Variants in WDFY4 observed in about 807,000 individuals in gnomAD.
WDFY4 encodes WDFY family member 4, also known as WD repeat- and FYVE domain-containing protein 4.
WDFY4 carries 169 observed loss-of-function variants against 351.9 expected under a neutral mutation model. That is an observed-to-expected ratio of 0.48 (90% CI 0.42 to 0.55). WDFY4 has a LOEUF of 0.55. Among genes scored for constraint, WDFY4 ranks in the 20% least tolerant of loss-of-function variants. WDFY4 has a pLI of 0.00. For missense variants in WDFY4, 3,803 were observed against 3,935.6 expected (o/e 0.97, Z 0.90); for synonymous variants, 1,622 against 1,574.6 (o/e 1.03, Z -0.71).
At chr10:48,964,122 C>G in intron 54 of WDFY4, 68 bp downstream of exon 54, 1 of 1,500,344 alleles carries the variant, frequency 6.7e-7, no homozygotes. Flanking sequence ...ACATTCTCTC[C>G]TGGGGTGAAA....
chr10:48,838,234 A>G (rs1020577283), intron 39 of WDFY4, among the ~76,000 whole-genome samples: 3 of 152,078 alleles, frequency 2.0e-5, no homozygotes, highest in African/African-American at 7.2e-5. Flanking sequence ...AGTTTGCCTC[A>G]CACCTTTCTT....
At chr10:48,850,482 G>T (rs188426641) in intron 39 of WDFY4, among the ~76,000 whole-genome samples, 2 of 151,566 alleles carry the variant, frequency 1.3e-5, no homozygotes, top group Non-Finnish European at 1.5e-5. Context: ...TCTCATATGC[G>T]CTTTCCCTGT....
At chr10:48,847,964 ATTATAGCTGG>A (rs1165197068) in intron 39 of WDFY4, among the ~76,000 whole-genome samples, 3,087 of 152,296 alleles carry the variant, frequency 0.02, 117 homozygotes, top group African/African-American at 0.07. Context: ...GTTGTTTGTC[ATTATAGCTGG>A]AAATATGATT....
chr10:48,852,771 C>A (rs967175984), intron 39 of WDFY4, among the ~76,000 whole-genome samples: 2 of 152,164 alleles, frequency 1.3e-5, no homozygotes, highest in African/African-American at 4.8e-5. Flanking sequence ...TCAACTCAGC[C>A]GCTTCATGGG....
chr10:48,788,812 A>G, intron 21 of WDFY4, 137 bp downstream of exon 21: 1 of 1,205,490 alleles, frequency 8.3e-7, no homozygotes. Flanking sequence ...TTCCCACTTC[A>G]TTTGTTAAAA....
chr10:48,741,503 T>G (rs889485941), intron 11 of WDFY4, among the ~76,000 whole-genome samples: 1 of 150,154 alleles, frequency 6.7e-6, no homozygotes, highest in East Asian at 2.0e-4. Flanking sequence ...AGTGCATGAC[T>G]TCATGTTTGA....
rs539338269 is a variant in WDFY4 at position 48,963,524 on chromosome 10, T to C, written c.8224-318T>C. On this transcript the variant is annotated intron_variant, in intron 53 of 61. Coordinates refer to ENST00000325239, the MANE Select transcript of WDFY4 (RefSeq NM_001394531.1). Reference sequence around the variant, plus strand: ...GACCCCAAGACTTTATTTTCAGCCTTGTCTCTTCCATTTAGATGTCTTTCC... The same window carrying C: ...GACCCCAAGACTTTATTTTCAGCCTCGTCTCTTCCATTTAGATGTCTTTCC... Among the ~76,000 whole-genome samples the C allele has an allele frequency of 6.4e-4, 97 of 152,296 alleles. 1 individual carries two copies. The highest frequency in any genetic ancestry group is 4.4e-5 in the Non-Finnish European group (3 of 68,020).
intron 10 of WDFY4, among the ~76,000 whole-genome samples, chr10:48,734,990 C>T (rs1208522537): frequency 7.2e-6 from 1 of 139,212 alleles, no homozygotes; most frequent in Non-Finnish European, 1.5e-5. Flanking sequence ...GGGGCTTTAC[C>T]ATGTTGACCA....
At chr10:48,853,968 G>A (rs1342097946) in intron 39 of WDFY4, among the ~76,000 whole-genome samples, 2 of 152,352 alleles carry the variant, frequency 1.3e-5, no homozygotes, top group East Asian at 3.9e-4. Context: ...ACCCTGGAAT[G>A]GAGATTCTGA....
chr10:48,890,441 C>A (rs73294651), intron 43 of WDFY4, 138 bp from the exon 44 acceptor site: 9 of 1,038,218 alleles, frequency 8.7e-6, no homozygotes, highest in Non-Finnish European at 1.3e-5. Flanking sequence ...CCTGGGACAG[C>A]GGGACTGCCA....
chr10:48,695,911 C>T (rs1258398406), intron 1 of WDFY4, among the ~76,000 whole-genome samples: 2 of 152,102 alleles, frequency 1.3e-5, no homozygotes, highest in Admixed American at 6.5e-5. Context: ...TCCTGTATTC[C>T]GTTGCTGTTG....
intron 18 of WDFY4, among the ~76,000 whole-genome samples, chr10:48,779,548 G>A (rs1198465538): frequency 6.6e-6 from 1 of 152,114 alleles, no homozygotes; most frequent in Non-Finnish European, 1.5e-5. Context: ...TCTGGGACTC[G>A]GCCTACAATG....
intron 13 of WDFY4, among the ~76,000 whole-genome samples, chr10:48,761,879 T>G (rs957415021): frequency 6.6e-6 from 1 of 152,212 alleles, no homozygotes; most frequent in African/African-American, 2.4e-5. Flanking sequence ...TGCAGTTTTG[T>G]CGAGGGCATC....
intron 39 of WDFY4, among the ~76,000 whole-genome samples, chr10:48,835,679 A>G (rs980117220): frequency 6.6e-6 from 1 of 152,212 alleles, no homozygotes; most frequent in Non-Finnish European, 1.5e-5. Flanking sequence ...ATTGCACACA[A>G]CTAGTGGGAT....
intron 39 of WDFY4, among the ~76,000 whole-genome samples, chr10:48,847,314 TA>T (rs2068808816): frequency 6.6e-6 from 1 of 152,200 alleles, no homozygotes; most frequent in Admixed American, 6.5e-5. Context: ...ATCACCTCTT[TA>T]AAGGCCCTGT....
chr10:48,730,978 T>G lies in WDFY4; in HGVS notation c.1130-132T>G, dbSNP rs1013907777. Reference sequence around the variant, plus strand: ...CAGGTGGCTGGCTTTTCTGGACTTCTGATGGACATGTGCCCATAGGAGTTA... The same window carrying G: ...CAGGTGGCTGGCTTTTCTGGACTTCGGATGGACATGTGCCCATAGGAGTTA... On this transcript the variant is annotated intron_variant, in intron 8 of 61. Coordinates refer to ENST00000325239, the MANE Select transcript of WDFY4 (RefSeq NM_001394531.1). The G allele has an allele frequency of 9.0e-5, 95 of 1,060,304 alleles. No homozygotes were observed. In the Middle Eastern group the frequency reaches 1.5e-3, roughly 17 times the overall value. The allele number at this position is 1,060,304 out of a possible 1,614,324, so 65.7% of individuals were successfully genotyped here.
chr10:48,782,190 T>A (rs994485901), intron 19 of WDFY4, among the ~76,000 whole-genome samples: 3 of 152,190 alleles, frequency 2.0e-5, no homozygotes, highest in Admixed American at 6.5e-5. Flanking sequence ...TGGGATGGGA[T>A]GTGTGGTGTC....
intron 43 of WDFY4, among the ~76,000 whole-genome samples, chr10:48,885,216 G>GA (rs1432275492): frequency 6.6e-6 from 1 of 152,158 alleles, no homozygotes; most frequent in African/African-American, 2.4e-5. Context: ...AACTTCTGGG[G>GA]ATGTAGCCTG....
At chr10:48,703,811 C>T (rs528161037) in intron 1 of WDFY4, among the ~76,000 whole-genome samples, 33 of 152,274 alleles carry the variant, frequency 2.2e-4, no homozygotes, top group African/African-American at 6.3e-4. Context: ...TCATTGGGGC[C>T]GCTGTGCGCA....
Sources: allele counts gnomAD v4.1 joint callset (sites outside exome capture counted in the v4.1 genomes callset), GRCh38; gene constraint gnomAD v4.1.1; transcripts MANE v1.5; gene names NCBI Gene and HGNC (gene_info 2026-07-23, HGNC 2026-07-21).